The following PDE4B variants were observed in gnomAD, a reference collection of about 807,000 sequenced individuals.
PDE4B encodes the protein 3',5'-cyclic-AMP phosphodiesterase 4B.
PDE4B carries 20 observed loss-of-function variants against 82.2 expected under a neutral mutation model. The ratio of observed to expected loss-of-function variants is 0.24; its 90% confidence interval spans 0.17 to 0.35. PDE4B has a LOEUF of 0.35. Among genes scored for constraint, PDE4B ranks in the 10% least tolerant of loss-of-function variants. PDE4B has a pLI of 1.00. For synonymous variants in PDE4B, 320 were observed against 318.9 expected, an observed-to-expected ratio of 1.00 and a Z score of -0.04; for missense variants, 655 against 907.2, an observed-to-expected ratio of 0.72 and a Z score of 3.57.
intron 3 of PDE4B, among the ~76,000 whole-genome samples, chr1:65,972,917 G>T (rs951080398): frequency 2.0e-5 from 3 of 152,124 alleles, no homozygotes; most frequent in Non-Finnish European, 4.4e-5. Flanking sequence ...ATGACAAATT[G>T]TTGCTAAAGA....
intron 3 of PDE4B, among the ~76,000 whole-genome samples, chr1:65,933,767 A>G (rs1322068453): frequency 1.3e-5 from 2 of 152,222 alleles, no homozygotes; most frequent in East Asian, 3.8e-4. Context: ...ACAAACGGTA[A>G]CATGATAGCA....
At chr1:66,173,260 G>A (rs766798832) in intron 3 of PDE4B, among the ~76,000 whole-genome samples, 2 of 152,132 alleles carry the variant, frequency 1.3e-5, no homozygotes, top group Non-Finnish European at 2.9e-5. Flanking sequence ...TTGTGACAAC[G>A]CTGAAAAGGC....
In PDE4B at chr1:65,846,179, C is replaced by T. The variant is rs147211561; in HGVS notation, c.-71+52931C>T. Among the ~76,000 whole-genome samples, 747 of 152,258 alleles carry T rather than the reference C, an allele frequency of 4.9e-3. 4 individuals carry two copies. Among genetic ancestry groups the T allele is most frequent in the African/African-American group, 0.016 (668 of 41,544 alleles). On this transcript the variant is annotated intron_variant, in intron 1 of 16. Transcript: ENST00000341517. Reference sequence around the variant, plus strand: ...AAGCATCCAATCAGGGTGGATGTCACGACCTTCCAGTCTCTATCAATGGGT... The same window carrying T: ...AAGCATCCAATCAGGGTGGATGTCATGACCTTCCAGTCTCTATCAATGGGT...
At chr1:65,893,935 G>A (rs1646880102) in intron 1 of PDE4B, among the ~76,000 whole-genome samples, 1 of 152,104 alleles carries the variant, frequency 6.6e-6, no homozygotes, top group Non-Finnish European at 1.5e-5. Context: ...ATAAGTGGGA[G>A]CTAAGCTATG....
At chr1:65,981,461 A>G (rs1428701075) in intron 3 of PDE4B, among the ~76,000 whole-genome samples, 2 of 152,070 alleles carry the variant, frequency 1.3e-5, no homozygotes, top group Non-Finnish European at 2.9e-5. Flanking sequence ...TTCTAGTTTC[A>G]GGATACAACT....
At chr1:65,993,509 A>T (rs1345567278) in intron 3 of PDE4B, among the ~76,000 whole-genome samples, 1 of 152,162 alleles carries the variant, frequency 6.6e-6, no homozygotes, top group Non-Finnish European at 1.5e-5. Flanking sequence ...TAGTGATTTT[A>T]AAAAAATAAT....
intron 1 of PDE4B, among the ~76,000 whole-genome samples, chr1:65,858,634 G>GT (rs1557782585): frequency 6.6e-6 from 1 of 152,080 alleles, no homozygotes; most frequent in African/African-American, 2.4e-5. Context: ...TAATTTTATA[G>GT]TTTTTTCATC....
intron 3 of PDE4B, among the ~76,000 whole-genome samples, chr1:66,238,106 G>C (rs146359497): frequency 4.5e-4 from 68 of 152,336 alleles, no homozygotes; most frequent in Middle Eastern, 6.8e-3. Flanking sequence ...GCCATCCAGA[G>C]AGTAGAGGAG....
chr1:65,869,295 G>T (rs1646546857), intron 1 of PDE4B, among the ~76,000 whole-genome samples: 1 of 152,106 alleles, frequency 6.6e-6, no homozygotes, highest in Non-Finnish European at 1.5e-5. Context: ...TGAAATAAAG[G>T]ATAGCTACCC....
intron 3 of PDE4B, among the ~76,000 whole-genome samples, chr1:66,129,625 A>C (rs1645894786): frequency 7.0e-6 from 1 of 142,164 alleles, no homozygotes; most frequent in African/African-American, 2.7e-5. Context: ...CCGCCACTGC[A>C]CTCCAGCCTG....
chr1:66,339,551 A>G (rs998423546), intron 8 of PDE4B, among the ~76,000 whole-genome samples: 7 of 152,234 alleles, frequency 4.6e-5, no homozygotes, highest in Non-Finnish European at 8.8e-5. Flanking sequence ...TCTCTAAAAA[A>G]CAAACAGAAA....
chr1:66,354,139 C>T (rs1477518859), intron 8 of PDE4B, among the ~76,000 whole-genome samples: 1 of 152,200 alleles, frequency 6.6e-6, no homozygotes, highest in East Asian at 1.9e-4. Context: ...TTCTTGTGTA[C>T]TGGCAGCCTA....
At chr1:65,926,784 T>TACACAC (rs142986688) in intron 3 of PDE4B, among the ~76,000 whole-genome samples, 6 of 150,308 alleles carry the variant, frequency 4.0e-5, no homozygotes, top group Admixed American at 6.6e-5. Context: ...AAATAACAAA[T>TACACAC]ACACACACAC....
At chr1:65,824,023 T>C (rs1218800033) in intron 1 of PDE4B, among the ~76,000 whole-genome samples, 2 of 152,212 alleles carry the variant, frequency 1.3e-5, no homozygotes, top group African/African-American at 2.4e-5. Flanking sequence ...AGGTAGCAAA[T>C]CCAGGAAGTT....
chr1:65,866,974 G>A (rs1452914797), intron 1 of PDE4B, among the ~76,000 whole-genome samples: 1 of 152,178 alleles, frequency 6.6e-6, no homozygotes, highest in Non-Finnish European at 1.5e-5. Context: ...TAATGGTATT[G>A]TGGTGTTTTA....
At chr1:66,102,785 A>T (rs1011705082) in intron 3 of PDE4B, among the ~76,000 whole-genome samples, 3 of 152,126 alleles carry the variant, frequency 2.0e-5, no homozygotes, top group African/African-American at 4.8e-5. Flanking sequence ...ACAGGACTTT[A>T]TCAATGACAG....
chr1:66,302,192 G>T (rs980846326), intron 7 of PDE4B, among the ~76,000 whole-genome samples: 10 of 152,190 alleles, frequency 6.6e-5, no homozygotes. Context: ...GGAGGCAATG[G>T]AAAAGCACAG....
At chr1:66,203,713 A>G (rs975022890) in intron 3 of PDE4B, among the ~76,000 whole-genome samples, 3 of 151,876 alleles carry the variant, frequency 2.0e-5, no homozygotes, top group African/African-American at 7.3e-5. Context: ...TCCTTTAAGC[A>G]CTTCTCTGCA....
chr1:65,975,123 A>T (rs1310836737), intron 3 of PDE4B, among the ~76,000 whole-genome samples: 2 of 152,216 alleles, frequency 1.3e-5, no homozygotes, highest in African/African-American at 4.8e-5. Flanking sequence ...GCTGATAGTG[A>T]TATGGACAAT....
Sources: allele counts gnomAD v4.1 joint callset (sites outside exome capture counted in the v4.1 genomes callset), GRCh38; gene constraint gnomAD v4.1.1; transcripts MANE v1.5; gene names NCBI Gene and HGNC (gene_info 2026-07-23, HGNC 2026-07-21).